Variants in IRAG2 observed in about 807,000 individuals in gnomAD.
IRAG2 encodes lymphoid restricted membrane protein.
Under a neutral mutation model 69.9 loss-of-function variants are expected in IRAG2, and 45 were observed. That is an observed-to-expected ratio of 0.64 (90% confidence interval 0.51 to 0.83). The LOEUF is 0.83. Ranked by LOEUF, IRAG2 falls within the 40% of genes least tolerant of loss-of-function variation. IRAG2 has a pLI of 0.00. For missense variants in IRAG2, 520 were observed against 587.0 expected (o/e 0.89, Z 1.18); for synonymous variants, 193 against 202.4 (o/e 0.95, Z 0.40).
chr12:25,085,245 C>T (rs76089536), intron 10 of IRAG2, among the ~76,000 whole-genome samples: 5,469 of 152,306 alleles, frequency 0.036, 343 homozygotes, highest in African/African-American at 0.12. Context: ...TCAGATCACA[C>T]GTGAGCTGGA....
At position 25,089,622 on chromosome 12, in the gene IRAG2, G is replaced by A. The variant is rs1565577368; in HGVS notation, c.382G>A (p.Val128Ile). The A allele has an allele frequency of 6.3e-7, 1 of 1,591,014 alleles. No individual in the cohort carries two copies. Among genetic ancestry groups the A allele is most frequent in the Non-Finnish European group, 8.6e-7 (1 of 1,161,066 alleles). The stretch of plus-strand genomic sequence containing the variant: ...TTATTATATTTTAATAGACTCTGTG[G>A]TTTCCCCTCTTCCTGTAACCACTGT... The part of the protein sequence containing the change: ...KKEHASGDSV[V>I]SPLPVTTVKS... The change falls in exon 12 of 22, where the codon GTT becomes ATT. Residue 128 changes from valine (V) to isoleucine (I), a missense_variant. By Grantham distance (29) the Val-to-Ile change is conservative (BLOSUM62 3). Transcript: ENST00000556887.
At chr12:25,099,563 A>T (rs1434993927) in intron 15 of IRAG2, among the ~76,000 whole-genome samples, 1 of 152,074 alleles carries the variant, frequency 6.6e-6, no homozygotes, top group African/African-American at 2.4e-5. Context: ...CTTCCATCCA[A>T]TTCCAATCCC....
chr12:25,091,256 C>A, intron 14 of IRAG2: 1 of 156,414 alleles, frequency 6.4e-6, no homozygotes, highest in Non-Finnish European at 1.4e-5. Context: ...GTTAATTTCC[C>A]TTTTCCTCCT....
intron 15 of IRAG2, chr12:25,037,947 G>A: frequency 2.5e-6 from 1 of 398,670 alleles, no homozygotes; most frequent in East Asian, 3.6e-5. Flanking sequence ...TGGAGTACTG[G>A]GGTTTGTTTT....
chr12:25,068,200 G>A (rs146981373), intron 5 of IRAG2, among the ~76,000 whole-genome samples: 53 of 152,110 alleles, frequency 3.5e-4, no homozygotes, highest in African/African-American at 1.2e-3. Context: ...TGAACTCCTG[G>A]ACTCAAGTGA....
intron 21 of IRAG2, 74 bp from the exon 22 acceptor site, chr12:25,107,743 G>GGTGGT: frequency 7.1e-7 from 1 of 1,414,932 alleles, no homozygotes; most frequent in Admixed American, 1.7e-5. Flanking sequence ...TCACCTGACT[G>GGTGGT]GTGGTGTTAG....
intron 5 of IRAG2, among the ~76,000 whole-genome samples, chr12:25,067,396 A>G (rs762256697): frequency 6.6e-6 from 1 of 152,114 alleles, no homozygotes; most frequent in Non-Finnish European, 1.5e-5. Flanking sequence ...GCGTCCAGTA[A>G]TTCAGTTCAA....
chr12:25,076,297 C>T (rs1414147582), intron 6 of IRAG2: 1 of 555,466 alleles, frequency 1.8e-6, no homozygotes, highest in Non-Finnish European at 2.3e-6. Context: ...TAAACATAGG[C>T]AATTTCTCCA....
chr12:25,090,075 T>C lies in IRAG2; in HGVS notation c.484T>C (p.Ser162Pro). The change falls in exon 14 of 22, where the codon TCT (serine) becomes CCT (proline). Residue 162 changes from serine to proline, a missense_variant. Transcript: ENST00000556887. ...KEVEAEFLRL[S>P]LGFKCDWFTL... Reference sequence around the variant, plus strand: ...ACAACAGGCAGAATTTCTCAGATTATCTTTGGGATTTAAGTGTGACTGGTT... The same window carrying C: ...ACAACAGGCAGAATTTCTCAGATTACCTTTGGGATTTAAGTGTGACTGGTT... 2.5e-6 allele frequency: 4 copies of C among 1,613,972 alleles called. No homozygotes were observed. The highest frequency in any genetic ancestry group is 3.4e-6 in the Non-Finnish European group (4 of 1,179,944).
chr12:25,025,352 CG>C (rs2139840501), intron 8 of IRAG2, among the ~76,000 whole-genome samples: 1 of 152,294 alleles, frequency 6.6e-6, no homozygotes, highest in South Asian at 2.1e-4. Flanking sequence ...AGCTGAAAAT[CG>C]TGAGGCTGCA....
chr12:25,040,172 TA>T (rs1332616423), intron 16 of IRAG2, among the ~76,000 whole-genome samples: 40 of 152,342 alleles, frequency 2.6e-4, no homozygotes, highest in African/African-American at 9.1e-4. Flanking sequence ...CAAAGCCACA[TA>T]AAGGCTACAC....
At chr12:25,020,118 TC>T (rs1944566234) in intron 6 of IRAG2, among the ~76,000 whole-genome samples, 2 of 152,218 alleles carry the variant, frequency 1.3e-5, no homozygotes, top group Non-Finnish European at 2.9e-5. Context: ...AAAAATTGTA[TC>T]TCCTTTGAAG....
intron 16 of IRAG2, among the ~76,000 whole-genome samples, chr12:25,042,035 A>G (rs2139861799): frequency 6.6e-6 from 1 of 152,120 alleles, no homozygotes; most frequent in East Asian, 1.9e-4. Context: ...GAAATATAAA[A>G]TATTTCATGA....
At chr12:25,043,590 T>G (rs1944767946) in intron 16 of IRAG2, among the ~76,000 whole-genome samples, 1 of 151,926 alleles carries the variant, frequency 6.6e-6, no homozygotes, top group East Asian at 1.9e-4. Flanking sequence ...GCCCAAAGAA[T>G]TGGCTTCTGT....
intron 1 of IRAG2, among the ~76,000 whole-genome samples, chr12:25,053,823 A>C (rs1292370359): frequency 3.3e-5 from 5 of 151,264 alleles, no homozygotes; most frequent in Admixed American, 3.3e-4. Flanking sequence ...ATATAAGCTT[A>C]AGGTAGGCTA....
chr12:25,042,971 G>T (rs1169822466), intron 16 of IRAG2, among the ~76,000 whole-genome samples: 3 of 143,466 alleles, frequency 2.1e-5, no homozygotes, highest in African/African-American at 7.7e-5. Flanking sequence ...CTGTAAGAGA[G>T]AAAAGTAGAT....
At chr12:25,082,599 CA>C (rs1555140820) in intron 9 of IRAG2, among the ~76,000 whole-genome samples, 3 of 67,430 alleles carry the variant, frequency 4.4e-5, no homozygotes, top group African/African-American at 1.3e-4. Context: ...GACCCTGTCT[CA>C]AAAAAAAAAC....
chr12:25,066,783 G>A (rs1235289019), intron 5 of IRAG2, among the ~76,000 whole-genome samples: 1 of 151,482 alleles, frequency 6.6e-6, no homozygotes, highest in Non-Finnish European at 1.5e-5. Flanking sequence ...CCAAGTAGCT[G>A]GGACTACAGA....
chr12:25,052,589 C>T (rs1431524267), upstream of IRAG2: 2 of 397,320 alleles, frequency 5.0e-6, no homozygotes, highest in East Asian at 7.1e-5. Flanking sequence ...GGCAACTTGA[C>T]ATATCAGGAC....
Sources: allele counts gnomAD v4.1 joint callset (sites outside exome capture counted in the v4.1 genomes callset), GRCh38; gene constraint gnomAD v4.1.1; transcripts MANE v1.5; gene names NCBI Gene and HGNC (gene_info 2026-07-23, HGNC 2026-07-21).